Variants in NFKB1 observed in about 807,000 individuals in gnomAD.
The protein encoded by NFKB1 is nuclear factor kappa B subunit 1.
Under a neutral mutation model 105.1 loss-of-function variants are expected in NFKB1, and 9 were observed. That is an observed-to-expected ratio of 0.09 (90% CI 0.05 to 0.15). NFKB1 has a LOEUF of 0.15. Among genes scored for constraint, NFKB1 ranks in the 10% least tolerant of loss-of-function variants. The probability of loss-of-function intolerance (pLI) is 1.00; values close to 1 mark genes in which losing one functional copy is unlikely to be tolerated. For synonymous variants in NFKB1, 440 were observed against 442.2 expected (o/e 1.00, Z 0.06); for missense variants, 830 against 1,203.7 (o/e 0.69, Z 4.59).
At position 102,518,486 on chromosome 4, in the gene NFKB1, C is replaced by CCACATATACTCCATTTCCCATGA. The variant is rs1297836467; in HGVS notation, c.-7-7018_-7-6996dup. On this transcript the variant is annotated intron_variant, in intron 1 of 23. Transcript: ENST00000226574. ...ATTACCAAGATAATTAACCCATACCCCACATATACTCCATTTCCCATGACA... is the reference window on the plus strand; with the variant it reads ...ATTACCAAGATAATTAACCCATACCCCACATATACTCCATTTCCCATGACACATATACTCCATTTCCCATGACA... Among the ~76,000 whole-genome samples, 173 of 152,174 alleles carry CCACATATACTCCATTTCCCATGA rather than the reference C, an allele frequency of 1.1e-3. No individual in the cohort carries two copies. In the Middle Eastern group the frequency reaches 0.027, roughly 24 times the overall value.
At chr4:102,523,762 C>G (rs1481722522) in intron 1 of NFKB1, among the ~76,000 whole-genome samples, 2 of 152,140 alleles carry the variant, frequency 1.3e-5, no homozygotes, top group Non-Finnish European at 2.9e-5. Context: ...CAGGTCTTCT[C>G]CATGTCTGAG....
chr4:102,507,442 CT>C (rs979819208), intron 1 of NFKB1, among the ~76,000 whole-genome samples: 4 of 151,402 alleles, frequency 2.6e-5, no homozygotes, highest in Non-Finnish European at 4.4e-5. Context: ...TGAGATGAAC[CT>C]TTTTTTTGTA....
In NFKB1 at chr4:102,612,060, A is replaced by G. The variant is rs1236465875; in HGVS notation, c.2369A>G (p.Asn790Ser). The part of the protein sequence containing the change: ...ATSWQVFDIL[N>S]GKPYEPEFTS... Reference sequence around the variant, plus strand: ...TTCCAACAGGTATTTGACATATTAAATGGGAAACCATATGAGCCAGAGTTT... The same window carrying G: ...TTCCAACAGGTATTTGACATATTAAGTGGGAAACCATATGAGCCAGAGTTT... The change falls in exon 21 of 24, where the codon AAT becomes AGT. Residue 790 changes from asparagine to serine, a missense_variant. Transcript: ENST00000226574. 1 of 1,613,960 alleles carries G rather than the reference A, an allele frequency of 6.2e-7. No homozygotes were observed. The highest frequency in any genetic ancestry group is 8.5e-7 in the Non-Finnish European group (1 of 1,179,928).
chr4:102,507,783 A>G (rs972376377), intron 1 of NFKB1, among the ~76,000 whole-genome samples: 2 of 152,218 alleles, frequency 1.3e-5, no homozygotes, highest in Non-Finnish European at 2.9e-5. Flanking sequence ...TCAAAAAATT[A>G]TTTTTATTAT....
At position 102,567,103 on chromosome 4, in the gene NFKB1, T is replaced by C. The variant is rs746393886; in HGVS notation, c.375T>C (p.Thr125=). ...AACACTGTGAGGATGGGATCTGCACTGTAACTGCTGGACCCAAGGACATGG... is the reference window on the plus strand; with the variant it reads ...AACACTGTGAGGATGGGATCTGCACCGTAACTGCTGGACCCAAGGACATGG... ...VGKHCEDGIC[T]VTAGPKDMVV... is the part of the protein sequence containing the mutation. Residue 125 remains threonine (T), a synonymous_variant, in exon 6 of 24, where the codon ACT becomes ACC. Coordinates refer to ENST00000226574, the MANE Select transcript of NFKB1 (RefSeq NM_003998.4). 1 of 1,613,800 alleles carries C rather than the reference T, an allele frequency of 6.2e-7. No individual in the cohort carries two copies. The highest frequency in any genetic ancestry group is 1.1e-5 in the South Asian group (1 of 91,074).
In NFKB1 at chr4:102,616,666, C is replaced by G. The variant is rs1728971862; in HGVS notation, c.*72C>G. The G allele has an allele frequency of 1.7e-5, 26 of 1,513,104 alleles. No individual in the cohort carries two copies. The East Asian group carries it at 5.9e-4, about 34-fold the overall frequency. The allele number at this position is 1,513,104 out of a possible 1,614,324, so 93.7% of individuals were successfully genotyped here. A position where few individuals can be genotyped will look rare whatever the true frequency, so the allele number is the denominator to read the frequency against. On this transcript the variant is annotated 3_prime_UTR_variant, in exon 24 of 24. Coordinates refer to ENST00000226574, the MANE Select transcript of NFKB1 (RefSeq NM_003998.4). ...CACTGCGTTGTCCACAAGACAGAAG[C>G]TGAAGTGCATCCAAAGGTGCTCAGA...
At chr4:102,607,575 T>C (rs1376647609) in intron 18 of NFKB1, 74 bp from the exon 19 acceptor site, 1 of 1,450,932 alleles carries the variant, frequency 6.9e-7, no homozygotes, top group African/African-American at 1.4e-5. Flanking sequence ...CAAGGAGCCA[T>C]GCACACTGGG....
chr4:102,584,862 A>G, intron 11 of NFKB1, 42 bp downstream of exon 11: 1 of 1,540,904 alleles, frequency 6.5e-7, no homozygotes, highest in African/African-American at 1.4e-5. Context: ...ATTTTATTTT[A>G]TTTTATTTTT....
chr4:102,516,809 T>G (rs1740218744), intron 1 of NFKB1, among the ~76,000 whole-genome samples: 1 of 152,224 alleles, frequency 6.6e-6, no homozygotes, highest in South Asian at 2.1e-4. Flanking sequence ...TGTTGAGCTT[T>G]GTTGTAACAG....
At chr4:102,534,934 T>C (rs1334170650) in intron 4 of NFKB1, among the ~76,000 whole-genome samples, 1 of 152,174 alleles carries the variant, frequency 6.6e-6, no homozygotes, top group African/African-American at 2.4e-5. Context: ...TTGATATAAA[T>C]GTCTTAATGA....
chr4:102,601,381 A>T (rs911212293), intron 16 of NFKB1, among the ~76,000 whole-genome samples: 2 of 152,250 alleles, frequency 1.3e-5, no homozygotes, highest in Non-Finnish European at 2.9e-5. Flanking sequence ...AATAATTTTG[A>T]AGTCTACTGA....
chr4:102,535,426 A>G (rs973010908), intron 4 of NFKB1, among the ~76,000 whole-genome samples: 1 of 152,208 alleles, frequency 6.6e-6, no homozygotes, highest in African/African-American at 2.4e-5. Context: ...TTTAATTCAT[A>G]TAAAAGCTTA....
intron 1 of NFKB1, among the ~76,000 whole-genome samples, chr4:102,513,684 A>G (rs1316497999): frequency 2.0e-5 from 3 of 152,060 alleles, no homozygotes; most frequent in East Asian, 1.9e-4. Flanking sequence ...TTCTCCCCCA[A>G]TTTAACAGTT....
At chr4:102,610,276 C>A (rs4648102) in intron 19 of NFKB1, among the ~76,000 whole-genome samples, 3,272 of 152,298 alleles carry the variant, frequency 0.021, 128 homozygotes, top group African/African-American at 0.071. Flanking sequence ...TAAAGATGCA[C>A]TATTCAGTTG....
chr4:102,610,795 A>C (rs1182582560), intron 20 of NFKB1, 96 bp downstream of exon 20: 1 of 1,400,674 alleles, frequency 7.1e-7, no homozygotes, highest in Non-Finnish European at 9.7e-7. Context: ...TTATTCCCCA[A>C]AGAACATGCC....
At chr4:102,590,700 T>C (rs568071732) in intron 11 of NFKB1, among the ~76,000 whole-genome samples, 2 of 152,302 alleles carry the variant, frequency 1.3e-5, no homozygotes, top group South Asian at 4.1e-4. Context: ...CTCCCTCTCC[T>C]CAGGCTTCCC....
chr4:102,612,562 C>T lies in NFKB1; in HGVS notation c.2548C>T (p.Arg850Trp), dbSNP rs747643116. ...TCTGGGGATACTTAATAATGCCTTCCGGCTGAGTCCTGCTCCTTCCAAAAC... is the reference window on the plus strand; with the variant it reads ...TCTGGGGATACTTAATAATGCCTTCTGGCTGAGTCCTGCTCCTTCCAAAAC... ...LGLGILNNAFRLSPAPSKTLM... is the reference protein window; with the variant it reads ...LGLGILNNAFWLSPAPSKTLM... The change falls in exon 22 of 24, where the codon CGG (arginine) becomes TGG (tryptophan). Residue 850 changes from arginine (R) to tryptophan (W), a missense_variant. By Grantham distance (101) the Arg-to-Trp change is moderately radical. Transcript: ENST00000226574. 1.0e-4 allele frequency: 162 copies of T among 1,613,814 alleles called. No individual in the cohort carries two copies. The highest frequency in any genetic ancestry group is 1.3e-4 in the Non-Finnish European group (151 of 1,180,008).
chr4:102,601,140 T>C, intron 16 of NFKB1, 131 bp downstream of exon 16: 1 of 608,290 alleles, frequency 1.6e-6, no homozygotes, highest in South Asian at 2.1e-5. Flanking sequence ...TTGTAGGTAA[T>C]ATCTAAAATC....
chr4:102,577,063 G>GA, intron 7 of NFKB1, 24 bp downstream of exon 7: 16 of 1,602,506 alleles, frequency 1.0e-5, no homozygotes, highest in Non-Finnish European at 1.4e-5. Flanking sequence ...TCCTGGCCTT[G>GA]ATCCTCCAAG....
Sources: allele counts gnomAD v4.1 joint callset (sites outside exome capture counted in the v4.1 genomes callset), GRCh38; gene constraint gnomAD v4.1.1; transcripts MANE v1.5; gene names NCBI Gene and HGNC (gene_info 2026-07-23, HGNC 2026-07-21).